Variants in EHD1 observed in about 807,000 individuals in gnomAD.
The protein encoded by EHD1 is EH domain containing 1, also known as EH domain-containing protein 1.
Under a neutral mutation model 39.0 loss-of-function variants are expected in EHD1, and 19 were observed. That is an observed-to-expected ratio of 0.49 (90% CI 0.34 to 0.72). EHD1 has a LOEUF of 0.72. EHD1 is among the 30% of genes least tolerant of loss of function. The pLI, the probability that EHD1 is intolerant of heterozygous loss-of-function variation, is 0.01. For synonymous variants in EHD1, 323 were observed against 331.2 expected, an observed-to-expected ratio of 0.98 and a Z score of 0.27; for missense variants, 542 against 751.5, an observed-to-expected ratio of 0.72 and a Z score of 3.26.
At chr11:64,857,372 C>A (rs1246729999) in intron 3 of EHD1, among the ~76,000 whole-genome samples, 1 of 151,852 alleles carries the variant, frequency 6.6e-6, no homozygotes, top group Non-Finnish European at 1.5e-5. Flanking sequence ...TGCAGTGAGC[C>A]GAGATTGCGC....
chr11:64,872,638 C>T (rs1346324039), intron 2 of EHD1, among the ~76,000 whole-genome samples: 1 of 151,118 alleles, frequency 6.6e-6, no homozygotes. Flanking sequence ...ACTCCCTTAA[C>T]TCCTAGGTGC....
In EHD1 at chr11:64,860,338, T is replaced by TG. The variant is rs767059988; in HGVS notation, c.503-3dup. The TG allele has an allele frequency of 3.1e-6, 5 of 1,606,176 alleles. No homozygotes were observed. In the African/African-American group the frequency reaches 4.0e-5, roughly 13 times the overall value. The stretch of plus-strand genomic sequence containing the variant: ...CCAGGACGGCTGCAAAGTCATAGCC[T>TG]GGGGGGAAGAGAAGGGAGAGCTCAG... On this transcript the variant is annotated splice_polypyrimidine_tract_variant and splice_region_variant and intron_variant, in intron 2 of 4. Transcript: ENST00000320631.
intron 2 of EHD1, among the ~76,000 whole-genome samples, chr11:64,865,502 G>A (rs1943758455): frequency 6.6e-6 from 1 of 152,252 alleles, no homozygotes. Context: ...CCCAGTGGGA[G>A]TGACAGAACT....
chr11:64,878,662 C>T (rs1162915507), upstream of EHD1: 2 of 1,368,164 alleles, frequency 1.5e-6, no homozygotes, highest in Non-Finnish European at 1.9e-6. Context: ...AGGGTCGGTC[C>T]CTCAGTGGCG....
chr11:64,870,478 G>GTT (rs1193647584), intron 2 of EHD1, among the ~76,000 whole-genome samples: 17 of 152,238 alleles, frequency 1.1e-4, no homozygotes, highest in African/African-American at 4.1e-4. Flanking sequence ...TAACTCAATG[G>GTT]AACTCACTGA....
intron 2 of EHD1, among the ~76,000 whole-genome samples, chr11:64,864,948 A>C (rs1943752538): frequency 6.6e-6 from 1 of 152,180 alleles, no homozygotes; most frequent in Non-Finnish European, 1.5e-5. Context: ...GGAAGGAAGA[A>C]AGAAGAGTGA....
rs1044190410 is a variant in EHD1, at chr11:64,868,226, G to A, written c.502+6195C>T. Among the ~76,000 whole-genome samples the A allele has an allele frequency of 4.6e-5, 7 of 152,084 alleles. No homozygotes were observed. The highest frequency in any genetic ancestry group is 1.2e-4 in the African/African-American group (5 of 41,376). ...AGCTGCGTGGGCTTCAGTATTTCTC[G>A]CCCTAGCTCTCCATCACACAGGTTT... On this transcript the variant is annotated intron_variant, in intron 2 of 4. Transcript: ENST00000320631. The surrounding 1 kb of genome is among the most constrained non-coding windows in gnomAD (Gnocchi z 4.2).
chr11:64,878,765 C>T, upstream of EHD1: 3 of 1,275,222 alleles, frequency 2.4e-6, no homozygotes, highest in Non-Finnish European at 3.0e-6. Context: ...CCACGTCTTC[C>T]CCTACCCCGC....
At chr11:64,878,797 C>A (rs1358224191), upstream of EHD1, 4 of 1,199,918 alleles carry the variant, frequency 3.3e-6, no homozygotes, top group Admixed American at 4.4e-5. Flanking sequence ...GATTCCAAAT[C>A]TCGCGAGGCT....
Position 64,874,469 on chromosome 11 carries a change from T to C in EHD1, c.454A>G (p.Ile152Val). 1.9e-6 allele frequency: 3 copies of C among 1,611,446 alleles called. No individual in the cohort carries two copies. The highest frequency in any genetic ancestry group is 2.5e-6 in the Non-Finnish European group (3 of 1,179,036). Residue 152 changes from isoleucine (I) to valine (V), a missense_variant, in exon 2 of 5, where the codon ATC becomes GTC. Ile to Val is a conservative substitution (Grantham distance 29). Transcript: ENST00000320631. ...CCAGACAGGATCCCGGGGGTGTCGA[T>C]GATGCTGATGCTGTCCAGGACGGGG... Reference protein sequence around the residue: ...PNPVLDSISIIDTPGILSGEK... With the variant: ...PNPVLDSISIVDTPGILSGEK...
chr11:64,858,153 C>T (rs1042378661), intron 3 of EHD1, among the ~76,000 whole-genome samples: 3 of 148,370 alleles, frequency 2.0e-5, no homozygotes, highest in African/African-American at 7.5e-5. Context: ...GGATTACAGG[C>T]GTGAGCCACC....
intron 2 of EHD1, among the ~76,000 whole-genome samples, chr11:64,861,892 T>G (rs937555276): frequency 2.2e-4 from 34 of 152,126 alleles, no homozygotes; most frequent in African/African-American, 8.0e-4. Flanking sequence ...AAGCTCCATA[T>G]TCTTTTTAAA....
At chr11:64,855,145 G>T in intron 4 of EHD1, 177 bp downstream of exon 4, 1 of 1,077,636 alleles carries the variant, frequency 9.3e-7, no homozygotes, top group Non-Finnish European at 1.3e-6. Flanking sequence ...ATTCCCCTCT[G>T]CAGTGTCACC....
chr11:64,867,794 T>C (rs1377622768), intron 2 of EHD1, among the ~76,000 whole-genome samples: 1 of 152,236 alleles, frequency 6.6e-6, no homozygotes, highest in Non-Finnish European at 1.5e-5. Context: ...TCACAATTTT[T>C]AAAAAGTGAA....
chr11:64,874,301 C>CAG, intron 2 of EHD1, 120 bp downstream of exon 2: 1 of 476,916 alleles, frequency 2.1e-6, no homozygotes, highest in Non-Finnish European at 3.3e-6. Flanking sequence ...AAGACTCCGT[C>CAG]AAAAAAAAAA....
intron 2 of EHD1, among the ~76,000 whole-genome samples, chr11:64,864,928 A>T (rs1033088866): frequency 3.9e-5 from 6 of 152,222 alleles, no homozygotes; most frequent in Admixed American, 1.3e-4. Flanking sequence ...GGAAAGAGAG[A>T]AAAAGGAGGG....
chr11:64,854,541 T>G lies in EHD1; in HGVS notation c.1397A>C (p.Asn466Thr). 6.2e-7 allele frequency: 1 copy of G among 1,614,156 alleles called. No individual in the cohort carries two copies. Among genetic ancestry groups the G allele is most frequent in the Non-Finnish European group, 8.5e-7 (1 of 1,179,998 alleles). ...SPVNGKITGA[N>T]AKKEMVKSKL... ...GGACTTCACCATCTCCTTCTTGGCG[T>G]TGGCGCCCGTGATCTTGCCGTTGAC... Residue 466 changes from asparagine (N) to threonine (T), a missense_variant, in exon 5 of 5, where the codon AAC (asparagine) becomes ACC (threonine). Physicochemically the swap from Asn to Thr is moderately conservative, Grantham distance 65. Transcript: ENST00000320631.
intron 2 of EHD1, among the ~76,000 whole-genome samples, chr11:64,865,871 G>A (rs955166756): frequency 6.6e-6 from 1 of 152,224 alleles, no homozygotes; most frequent in Non-Finnish European, 1.5e-5. Context: ...ATGCTGGTGA[G>A]GTTGCAGAGA....
At chr11:64,874,618 C>T (rs781761739) in intron 1 of EHD1, 100 bp from the exon 2 acceptor site, 2 of 962,930 alleles carry the variant, frequency 2.1e-6, no homozygotes, top group Non-Finnish European at 2.9e-6. Context: ...CCATCTCTGG[C>T]TTCCTCTCCA....
Sources: allele counts gnomAD v4.1 joint callset (sites outside exome capture counted in the v4.1 genomes callset), GRCh38; gene constraint gnomAD v4.1.1; non-coding constraint Gnocchi (gnomAD v3.1); transcripts MANE v1.5; gene names NCBI Gene and HGNC (gene_info 2026-07-23, HGNC 2026-07-21).